The following RBFOX1 variants were observed in gnomAD, a reference collection of about 807,000 sequenced individuals.
RBFOX1 encodes RNA binding fox-1 homolog 1.
RBFOX1 carries 8 observed loss-of-function variants against 57.7 expected under a neutral mutation model. The ratio of observed to expected loss-of-function variants is 0.14; its 90% CI spans 0.08 to 0.25. The LOEUF (loss-of-function observed/expected upper bound fraction) is 0.25. RBFOX1 is among the 10% of genes least tolerant of loss of function. The pLI is 1.00. For synonymous variants in RBFOX1, 326 were observed against 222.4 expected (o/e 1.47, Z -4.15); for missense variants, 611 against 548.5 (o/e 1.11, Z -1.14).
At chr16:7,340,563 T>C (rs543349618) in intron 4 of RBFOX1, among the ~76,000 whole-genome samples, 1 of 152,322 alleles carries the variant, frequency 6.6e-6, no homozygotes, top group East Asian at 1.9e-4. Flanking sequence ...GTCAAGACAG[T>C]CCAACCAGGA....
At chr16:6,563,007 G>A (rs1474023684) in intron 2 of RBFOX1, among the ~76,000 whole-genome samples, 1 of 150,196 alleles carries the variant, frequency 6.7e-6, no homozygotes, top group Non-Finnish European at 1.5e-5. Flanking sequence ...TTACCAGCAT[G>A]TTTTATCATG....
chr16:5,745,204 T>A (rs956347902), intron 3 of RBFOX1, among the ~76,000 whole-genome samples: 2 of 152,172 alleles, frequency 1.3e-5, no homozygotes, highest in Non-Finnish European at 2.9e-5. Context: ...TGGTTTTTTG[T>A]CCTTTGCGAT....
intron 3 of RBFOX1, among the ~76,000 whole-genome samples, chr16:6,880,884 A>G (rs76667876): frequency 0.013 from 2,017 of 152,348 alleles, 46 homozygotes; most frequent in African/African-American, 0.045. Context: ...TGACAGAAAT[A>G]AGCTACTTGA....
At chr16:6,370,400 C>A (rs1223944244) in intron 2 of RBFOX1, among the ~76,000 whole-genome samples, 2 of 146,740 alleles carry the variant, frequency 1.4e-5, no homozygotes, top group Non-Finnish European at 3.0e-5. Flanking sequence ...AAGAACACAC[C>A]CTGGACTGCC....
chr16:6,637,869 T>C (rs1327019723), intron 2 of RBFOX1, among the ~76,000 whole-genome samples: 1 of 152,044 alleles, frequency 6.6e-6, no homozygotes, highest in African/African-American at 2.4e-5. Flanking sequence ...TCATCCATAT[T>C]TAGAAAAGTG....
intron 2 of RBFOX1, among the ~76,000 whole-genome samples, chr16:6,434,433 A>G (rs1044406399): frequency 5.9e-5 from 9 of 152,134 alleles, no homozygotes; most frequent in African/African-American, 1.7e-4. Context: ...GGCCCATCCC[A>G]CAGTTTTTCC....
intron 3 of RBFOX1, among the ~76,000 whole-genome samples, chr16:5,766,388 C>A (rs573896481): frequency 5.3e-5 from 8 of 152,224 alleles, no homozygotes; most frequent in African/African-American, 1.9e-4. Flanking sequence ...AGATCAAGAC[C>A]ATCCTGGCCA....
chr16:7,153,678 A>G (rs2076526039), intron 4 of RBFOX1, among the ~76,000 whole-genome samples: 1 of 147,424 alleles, frequency 6.8e-6, no homozygotes, highest in Admixed American at 6.9e-5. Context: ...GGAACCCTGA[A>G]GTCGGAGGTT....
chr16:5,587,764 C>A (rs1276874557), intron 2 of RBFOX1, among the ~76,000 whole-genome samples: 3 of 152,068 alleles, frequency 2.0e-5, no homozygotes, highest in African/African-American at 7.2e-5. Context: ...GGACCTGAGC[C>A]CTCATAAACA....
intron 4 of RBFOX1, among the ~76,000 whole-genome samples, chr16:7,189,145 G>A (rs946289569): frequency 2.0e-5 from 3 of 151,956 alleles, no homozygotes; most frequent in African/African-American, 7.2e-5. Context: ...AATCCTCAGG[G>A]CTGGGCACGG....
intron 3 of RBFOX1, among the ~76,000 whole-genome samples, chr16:6,853,636 C>T (rs1486618143): frequency 6.6e-6 from 1 of 152,094 alleles, no homozygotes; most frequent in Non-Finnish European, 1.5e-5. Flanking sequence ...ATTTGCATGG[C>T]CCATAGTAAA....
intron 3 of RBFOX1, among the ~76,000 whole-genome samples, chr16:6,707,748 A>G (rs2063020181): frequency 6.6e-6 from 1 of 152,180 alleles, no homozygotes; most frequent in African/African-American, 2.4e-5. Context: ...CAGATTCTGC[A>G]ACTTTAGTAG....
intron 1 of RBFOX1, among the ~76,000 whole-genome samples, chr16:5,449,671 C>G (rs889831190): frequency 1.3e-5 from 2 of 152,176 alleles, no homozygotes; most frequent in African/African-American, 4.8e-5. Context: ...AACAGTGGCA[C>G]AATCACAGCT....
chr16:6,610,853 G>C (rs140684102), intron 2 of RBFOX1, among the ~76,000 whole-genome samples: 25 of 152,236 alleles, frequency 1.6e-4, no homozygotes, highest in African/African-American at 5.5e-4. Flanking sequence ...TGAATTGACT[G>C]CCAAACTGTT....
chr16:5,930,755 T>C (rs1186916542), intron 4 of RBFOX1, among the ~76,000 whole-genome samples: 1 of 80,256 alleles, frequency 1.2e-5, no homozygotes, highest in Non-Finnish European at 2.3e-5. Context: ...GGTGGATGGA[T>C]GCATGGATGG....
At chr16:7,667,580 C>G (rs970210081) in intron 13 of RBFOX1, among the ~76,000 whole-genome samples, 1 of 152,256 alleles carries the variant, frequency 6.6e-6, no homozygotes, top group South Asian at 2.1e-4. Flanking sequence ...CCTTCAAGCT[C>G]GTTAAAAGTA....
intron 3 of RBFOX1, among the ~76,000 whole-genome samples, chr16:5,637,542 C>T (rs946785003): frequency 2.6e-5 from 4 of 152,148 alleles, no homozygotes; most frequent in African/African-American, 9.7e-5. Flanking sequence ...CTATTGAACA[C>T]CTAGTGTATC....
chr16:6,773,934 T>C (rs561402034), intron 3 of RBFOX1: 14 of 984,950 alleles, frequency 1.4e-5, no homozygotes, highest in Non-Finnish European at 1.7e-5. Flanking sequence ...GTGGAGTGTG[T>C]TTGTGTGTGT....
chr16:7,012,632 T>A (rs999775655), intron 3 of RBFOX1, among the ~76,000 whole-genome samples: 1 of 152,092 alleles, frequency 6.6e-6, no homozygotes, highest in Non-Finnish European at 1.5e-5. Context: ...CAGAAAAAAA[T>A]GAGATCCAAC....
Sources: gnomAD v4.1 joint callset for allele counts (sites outside exome capture counted in the v4.1 genomes callset) on GRCh38, gnomAD v4.1.1 for gene constraint, MANE v1.5 for transcripts, NCBI Gene and HGNC (gene_info 2026-07-23, HGNC 2026-07-21) for gene names.